The following N4BP2L2 variants were observed in gnomAD, a reference collection of about 807,000 sequenced individuals.
N4BP2L2 encodes the protein NEDD4-binding protein 2-like 2.
Under a neutral mutation model 56.2 loss-of-function variants are expected in N4BP2L2, and 50 were observed. That is an observed-to-expected ratio of 0.89 (90% confidence interval 0.71 to 1.13). N4BP2L2 has a LOEUF of 1.13. Ranked by LOEUF, N4BP2L2 falls within the 50% of genes most tolerant of loss-of-function variation. The pLI, the probability that N4BP2L2 is intolerant of heterozygous loss-of-function variation, is 0.00. For missense variants in N4BP2L2, 689 were observed against 693.8 expected (o/e 0.99, Z 0.08); for synonymous variants, 203 against 223.6 (o/e 0.91, Z 0.82).
intron 9 of N4BP2L2, among the ~76,000 whole-genome samples, chr13:32,434,397 C>G (rs994961743): frequency 2.0e-5 from 3 of 151,914 alleles, no homozygotes; most frequent in African/African-American, 7.3e-5. Flanking sequence ...CGTGCCCGGC[C>G]AGTTTTTTCA....
chr13:32,442,655 T>C, exon 7 of N4BP2L2: 1 of 1,613,946 alleles, frequency 6.2e-7, no homozygotes, highest in South Asian at 1.1e-5. Flanking sequence ...TTTAGTTTAT[T>C]ACCTACTCTT....
intron 6 of N4BP2L2, among the ~76,000 whole-genome samples, chr13:32,475,983 A>G (rs943692943): frequency 6.6e-6 from 1 of 152,218 alleles, no homozygotes; most frequent in Non-Finnish European, 1.5e-5. Context: ...ATTTCATGCA[A>G]TTCTGTCTAT....
chr13:32,478,668 T>C (rs2083890811), intron 6 of N4BP2L2: 1 of 152,470 alleles, frequency 6.6e-6, no homozygotes, highest in South Asian at 2.1e-4. Flanking sequence ...AGATTCTCTA[T>C]TTGTTCAGGA....
chr13:32,485,538 CAA>C (rs557664092), intron 6 of N4BP2L2, among the ~76,000 whole-genome samples: 2 of 151,952 alleles, frequency 1.3e-5, no homozygotes, highest in South Asian at 4.1e-4. Context: ...TGCAAAACCT[CAA>C]AAAAATAGCT....
chr13:32,526,383 A>AT (rs970456292), intron 3 of N4BP2L2, among the ~76,000 whole-genome samples: 4 of 152,184 alleles, frequency 2.6e-5, no homozygotes. Flanking sequence ...AGGAACTGGC[A>AT]TTTTTTTAAA....
intron 6 of N4BP2L2, among the ~76,000 whole-genome samples, chr13:32,471,535 G>C (rs2082292349): frequency 6.6e-6 from 1 of 152,264 alleles, no homozygotes; most frequent in Non-Finnish European, 1.5e-5. Flanking sequence ...GAGAGAGCCA[G>C]AGTTGTCCAT....
At chr13:32,524,626 GC>G (rs905782719) in intron 3 of N4BP2L2, 4 of 152,122 alleles carry the variant, frequency 2.6e-5, no homozygotes, top group African/African-American at 9.7e-5. Context: ...ATAGAATGGT[GC>G]CTAGCATTTA....
intron 7 of N4BP2L2, chr13:32,438,798 G>A (rs2075825364): frequency 2.5e-6 from 3 of 1,183,904 alleles, no homozygotes; most frequent in Non-Finnish European, 3.7e-6. Context: ...TGCCCTAACT[G>A]TGAAGACATG....
chr13:32,497,757 G>T (rs207642), intron 6 of N4BP2L2, among the ~76,000 whole-genome samples: 120,474 of 152,104 alleles, frequency 0.79, 47,988 homozygotes, highest in East Asian at 0.82. Flanking sequence ...CAGGCTGCCT[G>T]AGGCTGCATA....
In N4BP2L2 at chr13:32,442,925, TTTCTGAAA is replaced by T; in HGVS notation, c.1559_1566del (p.Ile520LysfsTer4). ...TGTTTATTCTCCTCTTCACTGTTCC[TTTCTGAAA>T]TTCTATCTTTTTCTTCTCCCAAAGT... On this transcript the variant is annotated frameshift_variant, in exon 7 of 10. Coordinates refer to the N4BP2L2 transcript ENST00000357505. LOFTEE classifies it high-confidence loss of function. 6.2e-7 allele frequency: 1 copy of T among 1,612,868 alleles called. No homozygotes were observed. The highest frequency in any genetic ancestry group is 8.5e-7 in the Non-Finnish European group (1 of 1,179,540).
chr13:32,442,756 T>C (rs779171918), exon 7 of N4BP2L2: 11 of 1,613,340 alleles, frequency 6.8e-6, no homozygotes, highest in East Asian at 2.2e-5. Flanking sequence ...AGAAGGAATA[T>C]AATTTTTGTA....
exon 6 of N4BP2L2, chr13:32,516,294 C>T (rs1400880149): frequency 6.6e-6 from 1 of 151,998 alleles, no homozygotes; most frequent in Non-Finnish European, 1.5e-5. Flanking sequence ...CATTTACACA[C>T]AAAACATGAA....
chr13:32,494,874 C>T (rs2088166859), intron 6 of N4BP2L2, among the ~76,000 whole-genome samples: 1 of 152,146 alleles, frequency 6.6e-6, no homozygotes, highest in South Asian at 2.1e-4. Flanking sequence ...AATAATCTGG[C>T]TGGCCAAAAC....
At chr13:32,492,273 A>ATTT (rs72053635) in intron 6 of N4BP2L2, among the ~76,000 whole-genome samples, 1,006 of 72,066 alleles carry the variant, frequency 0.014, 201 homozygotes, top group African/African-American at 0.046. Flanking sequence ...AAACACCAAA[A>ATTT]TTTTTTTTTT....
intron 9 of N4BP2L2, among the ~76,000 whole-genome samples, chr13:32,434,055 C>T (rs954392062): frequency 1.3e-5 from 2 of 151,428 alleles, no homozygotes; most frequent in Non-Finnish European, 2.9e-5. Flanking sequence ...GCACTAGGCT[C>T]CATACTTTGC....
At chr13:32,484,483 G>GT (rs746205796) in intron 6 of N4BP2L2, among the ~76,000 whole-genome samples, 36 of 151,006 alleles carry the variant, frequency 2.4e-4, no homozygotes, top group Middle Eastern at 3.5e-3. Flanking sequence ...TCTAGGGTAG[G>GT]TTTTTTTTTC....
exon 2 of N4BP2L2, chr13:32,535,776 A>G: frequency 6.2e-7 from 1 of 1,612,630 alleles, no homozygotes; most frequent in Non-Finnish European, 8.5e-7. Context: ...TACCGAGACA[A>G]TGTTGTTTTC....
chr13:32,492,670 C>T (rs999420610), intron 6 of N4BP2L2, among the ~76,000 whole-genome samples: 3 of 152,102 alleles, frequency 2.0e-5, no homozygotes, highest in African/African-American at 7.2e-5. Context: ...ATGTTGGACA[C>T]AGGTAAAACA....
At chr13:32,498,197 G>C (rs902847907) in intron 6 of N4BP2L2, among the ~76,000 whole-genome samples, 10 of 152,250 alleles carry the variant, frequency 6.6e-5, no homozygotes, top group Non-Finnish European at 7.4e-5. Context: ...TGTTGGCCAA[G>C]CTAGTCTCAA....
Sources: gnomAD v4.1 joint callset for allele counts (sites outside exome capture counted in the v4.1 genomes callset) on GRCh38, gnomAD v4.1.1 for gene constraint, MANE v1.5 for transcripts, NCBI Gene and HGNC (gene_info 2026-07-23, HGNC 2026-07-21) for gene names.